The following FGD4 variants were observed in gnomAD, a reference collection of about 807,000 sequenced individuals.
FGD4 encodes the protein FYVE, RhoGEF and PH domain-containing protein 4.
FGD4 carries 42 observed loss-of-function variants against 102.0 expected under a neutral mutation model. The observed-to-expected ratio is 0.41, with a 90% CI of 0.32 to 0.53. FGD4 has a LOEUF of 0.53. Among genes scored for constraint, FGD4 ranks in the 20% least tolerant of loss-of-function variants. FGD4 has a pLI of 0.21. For missense variants in FGD4, 902 were observed against 1,078.2 expected (o/e 0.84, Z 2.29); for synonymous variants, 380 against 375.7 (o/e 1.01, Z -0.13).
At chr12:32,531,001 G>C (rs1313258294) in intron 1 of FGD4, among the ~76,000 whole-genome samples, 2 of 133,668 alleles carry the variant, frequency 1.5e-5, no homozygotes, top group Non-Finnish European at 3.0e-5. Context: ...CGCCAGGCTG[G>C]AGTGCAGTGG....
chr12:32,536,209 G>A (rs1300160534), intron 1 of FGD4, among the ~76,000 whole-genome samples: 1 of 152,042 alleles, frequency 6.6e-6, no homozygotes, highest in Admixed American at 6.6e-5. Flanking sequence ...GAAATATTAT[G>A]CAGTTCTTTG....
chr12:32,495,594 G>A lies in FGD4; in HGVS notation c.167-68543G>A, dbSNP rs867064091. On this transcript the variant is annotated intron_variant, in intron 1 of 16. Transcript: ENST00000534526. ...ACCTGTAGTCCCAGCTACTTGGGAG[G>A]CTGAGGCAGGAGAATGTTGTGAGCC... Among the ~76,000 whole-genome samples, 22 of 151,720 alleles carry A rather than the reference G, an allele frequency of 1.5e-4. No homozygotes were observed. In the Middle Eastern group the frequency reaches 0.01, roughly 70 times the overall value.
intron 1 of FGD4, among the ~76,000 whole-genome samples, chr12:32,425,328 G>A (rs1423418550): frequency 1.3e-5 from 2 of 152,106 alleles, no homozygotes; most frequent in Non-Finnish European, 2.9e-5. Context: ...ATTAAATAGG[G>A]AATCCTTTCC....
chr12:32,435,851 C>T (rs1942211862), intron 1 of FGD4, among the ~76,000 whole-genome samples: 1 of 152,172 alleles, frequency 6.6e-6, no homozygotes, highest in South Asian at 2.1e-4. Context: ...ATCTAAGTTA[C>T]TTGCAGTGAG....
intron 1 of FGD4, among the ~76,000 whole-genome samples, chr12:32,508,117 G>A (rs1441316492): frequency 6.6e-6 from 1 of 152,190 alleles, no homozygotes; most frequent in African/African-American, 2.4e-5. Flanking sequence ...GGTACAGAGG[G>A]GAGGGGTTCC....
At chr12:32,432,354 C>A (rs76765879) in intron 1 of FGD4, among the ~76,000 whole-genome samples, 1 of 44,606 alleles carries the variant, frequency 2.2e-5, no homozygotes, top group Non-Finnish European at 7.3e-5. Context: ...GCCACCGCGC[C>A]CGACCAATCC....
At chr12:32,406,412 G>C (rs1264164841) in intron 1 of FGD4, among the ~76,000 whole-genome samples, 2 of 151,874 alleles carry the variant, frequency 1.3e-5, no homozygotes, top group African/African-American at 4.8e-5. Context: ...AAATTAGCCA[G>C]GCGTGGTGGT....
At chr12:32,616,204 A>G (rs1249136095) in intron 10 of FGD4, among the ~76,000 whole-genome samples, 1 of 152,104 alleles carries the variant, frequency 6.6e-6, no homozygotes, top group Non-Finnish European at 1.5e-5. Flanking sequence ...GGTCTAACCA[A>G]TTGCCTCGGC....
At chr12:32,568,910 G>A (rs1565852847) in intron 2 of FGD4, among the ~76,000 whole-genome samples, 1 of 151,994 alleles carries the variant, frequency 6.6e-6, no homozygotes, top group East Asian at 1.9e-4. Context: ...ATAAATTTGG[G>A]TGTAATAAAA....
chr12:32,480,989 T>G (rs1194736350), intron 1 of FGD4, among the ~76,000 whole-genome samples: 3 of 151,060 alleles, frequency 2.0e-5, no homozygotes, highest in African/African-American at 7.3e-5. Flanking sequence ...TAATTGTGTG[T>G]GTATGCATGC....
chr12:32,592,293 T>A (rs563633501), intron 4 of FGD4, among the ~76,000 whole-genome samples: 308 of 151,910 alleles, frequency 2.0e-3, no homozygotes, highest in African/African-American at 7.1e-3. Flanking sequence ...AGTATCTTAC[T>A]TTTGATATCT....
rs1387741385 is a variant in FGD4, at chr12:32,399,713, A to AT, written c.-80dup. The stretch of plus-strand genomic sequence containing the variant: ...CCCCGGAGTCGCGCCGAACCTGGGC[A>AT]TGCAGGCGACGCCCCCCAGGGGCCG... On this transcript the variant is annotated 5_prime_UTR_variant, in exon 1 of 17. An upstream start codon of the reference 5' UTR is lost. Coordinates refer to ENST00000534526, the MANE Select transcript of FGD4 (RefSeq NM_001370298.3). 1.3e-6 allele frequency: 2 copies of AT among 1,490,932 alleles called. No homozygotes were observed. The highest frequency in any genetic ancestry group is 5.3e-5 in the East Asian group (2 of 37,578). The allele number at this position is 1,490,932 out of a possible 1,614,324, so 92.4% of individuals were successfully genotyped here. A position where few individuals can be genotyped will look rare whatever the true frequency, so the allele number is the denominator to read the frequency against.
At chr12:32,601,217 C>A (rs922074724) in intron 5 of FGD4, 61 bp from the exon 6 acceptor site, 30 of 1,558,750 alleles carry the variant, frequency 1.9e-5, no homozygotes, top group Non-Finnish European at 2.6e-5. Context: ...ATGTGCCTAG[C>A]ACAGTGCTAG....
chr12:32,579,063 T>TTTTTTTTA (rs1946380717), intron 3 of FGD4, among the ~76,000 whole-genome samples: 7 of 140,890 alleles, frequency 5.0e-5, no homozygotes, highest in Non-Finnish European at 6.3e-5. Context: ...TTTTTTTTTT[T>TTTTTTTTA]GAGACAGAGT....
At chr12:32,572,697 T>C (rs1056909605) in intron 2 of FGD4, among the ~76,000 whole-genome samples, 2 of 152,254 alleles carry the variant, frequency 1.3e-5, no homozygotes, top group Non-Finnish European at 2.9e-5. Flanking sequence ...TTTGATAAAA[T>C]TGTAATTTCT....
chr12:32,610,900 C>G, intron 9 of FGD4, 66 bp downstream of exon 9: 1 of 1,517,902 alleles, frequency 6.6e-7, no homozygotes, highest in Non-Finnish European at 9.1e-7. Flanking sequence ...TGCCTCAATA[C>G]TATGTAGATT....
intron 1 of FGD4, among the ~76,000 whole-genome samples, chr12:32,472,637 C>T (rs1425399636): frequency 4.6e-5 from 7 of 152,260 alleles, no homozygotes; most frequent in African/African-American, 9.6e-5. Flanking sequence ...TGCTCCACGG[C>T]GCCCAGTCCC....
At chr12:32,530,941 G>GTTTTTTGTTTTTT (rs1941731564) in intron 1 of FGD4, among the ~76,000 whole-genome samples, 1 of 70,466 alleles carries the variant, frequency 1.4e-5, no homozygotes, top group African/African-American at 6.9e-5. Flanking sequence ...CCTAGCTTTG[G>GTTTTTTGTTTTTT]TTTTTTTTTT....
At chr12:32,611,797 C>G (rs1949154468) in intron 10 of FGD4, among the ~76,000 whole-genome samples, 1 of 152,200 alleles carries the variant, frequency 6.6e-6, no homozygotes, top group Non-Finnish European at 1.5e-5. Flanking sequence ...AGTGGCCCAT[C>G]TGGAGCAGTT....
Sources: gnomAD v4.1 joint callset for allele counts (sites outside exome capture counted in the v4.1 genomes callset) on GRCh38, gnomAD v4.1.1 for gene constraint, MANE v1.5 for transcripts, NCBI Gene and HGNC (gene_info 2026-07-23, HGNC 2026-07-21) for gene names.